The following PTPN12 variants were observed in gnomAD, a reference collection of about 807,000 sequenced individuals.
The protein encoded by PTPN12 is protein tyrosine phosphatase non-receptor type 12, also known as tyrosine-protein phosphatase non-receptor type 12.
PTPN12 carries 29 observed loss-of-function variants against 97.6 expected under a neutral mutation model. That is an observed-to-expected ratio of 0.30 (90% CI 0.22 to 0.41). The LOEUF (loss-of-function observed/expected upper bound fraction) is 0.41. Among genes scored for constraint, PTPN12 ranks in the 10% least tolerant of loss-of-function variants. The probability of loss-of-function intolerance (pLI) is 1.00; values close to 1 mark genes in which losing one functional copy is unlikely to be tolerated. For missense variants in PTPN12, 819 were observed against 926.0 expected, an observed-to-expected ratio of 0.88 and a Z score of 1.50; for synonymous variants, 327 against 300.4, an observed-to-expected ratio of 1.09 and a Z score of -0.91.
chr7:77,586,222 A>T (rs1232905411), intron 5 of PTPN12, among the ~76,000 whole-genome samples: 1 of 152,138 alleles, frequency 6.6e-6, no homozygotes, highest in Non-Finnish European at 1.5e-5. Flanking sequence ...CCAAAGTGCT[A>T]GGATTATAGA....
chr7:77,625,472 G>GTTCGCGCGCGCTCTCTCTCT, intron 12 of PTPN12, among the ~76,000 whole-genome samples: 1 of 33,522 alleles, frequency 3.0e-5, no homozygotes, highest in Non-Finnish European at 5.0e-5. Flanking sequence ...CAGGCTGCTC[G>GTTCGCGCGCGCTCTCTCTCT]CTCTCTCTCT....
chr7:77,602,700 T>C (rs953102695), intron 8 of PTPN12, among the ~76,000 whole-genome samples: 2 of 152,146 alleles, frequency 1.3e-5, no homozygotes, highest in African/African-American at 4.8e-5. Flanking sequence ...GGAATTTCAT[T>C]ATATAGGTAT....
At chr7:77,557,143 T>A (rs1807758809) in intron 1 of PTPN12, among the ~76,000 whole-genome samples, 1 of 152,104 alleles carries the variant, frequency 6.6e-6, no homozygotes, top group African/African-American at 2.4e-5. Context: ...TTTTTAAATT[T>A]TTTGTAGAGG....
intron 8 of PTPN12, among the ~76,000 whole-genome samples, chr7:77,601,487 G>C (rs935678159): frequency 3.9e-5 from 6 of 152,128 alleles, no homozygotes; most frequent in Non-Finnish European, 8.8e-5. Context: ...ACAGGCGTGA[G>C]CCACTACGCC....
chr7:77,586,657 A>G lies in PTPN12; in HGVS notation c.420+1076A>G, dbSNP rs533490123. Among the ~76,000 whole-genome samples the G allele has an allele frequency of 3.9e-4, 59 of 152,346 alleles. 3 individuals are homozygous for G. The South Asian group carries it at 0.012, about 32-fold the overall frequency. On this transcript the variant is annotated intron_variant, in intron 5 of 17. Transcript: ENST00000248594. The stretch of plus-strand genomic sequence containing the variant: ...CTTTCATGAAAGATTGCTCTGTAGC[A>G]TGCCATGCTGTTTGATAGCAACAGC...
intron 3 of PTPN12, among the ~76,000 whole-genome samples, chr7:77,582,739 G>A (rs991786686): frequency 2.0e-5 from 3 of 149,970 alleles, no homozygotes; most frequent in East Asian, 3.9e-4. Context: ...AGCCGAGATC[G>A]TGCCAATGCA....
At chr7:77,613,902 TTTTG>T (rs944697307) in intron 11 of PTPN12, among the ~76,000 whole-genome samples, 3 of 152,110 alleles carry the variant, frequency 2.0e-5, no homozygotes, top group African/African-American at 7.2e-5. Context: ...TTTTGTTTTG[TTTTG>T]TTTGAGACGA....
chr7:77,610,418 T>C (rs17381884), intron 9 of PTPN12, among the ~76,000 whole-genome samples: 21,132 of 152,310 alleles, frequency 0.14, 2,020 homozygotes, highest in Non-Finnish European at 0.21. Context: ...ACATTGAATC[T>C]GCTGTGCTTA....
rs1562719481 is a variant in PTPN12, at chr7:77,571,201, C to T, written c.208+15C>T. ...CATACTGCCATGTAAGTTGGAAATG[C>T]CCTTGATAAAATACATAGAAATGCT... On this transcript the variant is annotated intron_variant, in intron 2 of 17. Coordinates refer to ENST00000248594, the MANE Select transcript of PTPN12 (RefSeq NM_002835.4). 1 of 1,484,444 alleles carries T rather than the reference C, an allele frequency of 6.7e-7. No homozygotes were observed. The highest frequency in any genetic ancestry group is 9.3e-7 in the Non-Finnish European group (1 of 1,079,382). 92.0% of individuals were successfully genotyped at this position (1,484,444 alleles called of 1,614,324 possible).
chr7:77,632,737 A>G (rs1156993821), intron 14 of PTPN12, among the ~76,000 whole-genome samples: 1 of 152,126 alleles, frequency 6.6e-6, no homozygotes, highest in East Asian at 1.9e-4. Context: ...CAGGTGGATC[A>G]CCTGAGGTCA....
At chr7:77,555,364 A>G (rs1454372123) in intron 1 of PTPN12, among the ~76,000 whole-genome samples, 11 of 151,710 alleles carry the variant, frequency 7.3e-5, no homozygotes, top group Admixed American at 6.6e-4. Context: ...TATTTCAAAT[A>G]TTTCTTCTGT....
Position 77,563,095 on chromosome 7 carries a change from T to C in PTPN12, c.100-7983T>C, listed in dbSNP as rs543159986. ...AAAACATTCTCAAAATCAAGGACTA[T>C]TACTACATGCATTCAGGGAAGATTA... On this transcript the variant is annotated intron_variant, in intron 1 of 17. Coordinates refer to ENST00000248594, the MANE Select transcript of PTPN12 (RefSeq NM_002835.4). Among the ~76,000 whole-genome samples the C allele has an allele frequency of 3.5e-4, 54 of 152,328 alleles. No homozygotes were observed. In the South Asian group the frequency reaches 4.6e-3, roughly 13 times the overall value.
At chr7:77,554,860 T>C (rs1207934458) in intron 1 of PTPN12, among the ~76,000 whole-genome samples, 4 of 152,170 alleles carry the variant, frequency 2.6e-5, no homozygotes, top group South Asian at 2.1e-4. Context: ...TTTTTTTGTT[T>C]CTGTTTTTGT....
chr7:77,560,346 T>G (rs1195771314), intron 1 of PTPN12, among the ~76,000 whole-genome samples: 1 of 152,228 alleles, frequency 6.6e-6, no homozygotes, highest in Non-Finnish European at 1.5e-5. Context: ...AAACAACTAC[T>G]AAGGGTTTCT....
intron 1 of PTPN12, among the ~76,000 whole-genome samples, chr7:77,548,813 C>T (rs1807342765): frequency 6.6e-6 from 1 of 152,156 alleles, no homozygotes; most frequent in Admixed American, 6.5e-5. Context: ...GCATCAGAAC[C>T]AAGAAATAGA....
At chr7:77,622,097 G>C (rs1026499238) in intron 12 of PTPN12, among the ~76,000 whole-genome samples, 2 of 152,130 alleles carry the variant, frequency 1.3e-5, no homozygotes, top group African/African-American at 4.8e-5. Flanking sequence ...TGGAACTATA[G>C]ACACACACCA....
At chr7:77,591,882 T>C (rs990543372) in intron 5 of PTPN12, among the ~76,000 whole-genome samples, 1 of 152,232 alleles carries the variant, frequency 6.6e-6, no homozygotes, top group Non-Finnish European at 1.5e-5. Context: ...AGACACTTTT[T>C]TAAAATTAGT....
At chr7:77,630,674 G>T (rs1789368308) in intron 13 of PTPN12, among the ~76,000 whole-genome samples, 1 of 152,086 alleles carries the variant, frequency 6.6e-6, no homozygotes, top group South Asian at 2.1e-4. Flanking sequence ...GAATACTTTT[G>T]TATTGATACC....
At chr7:77,621,406 C>T (rs906657522) in intron 12 of PTPN12, among the ~76,000 whole-genome samples, 2 of 152,088 alleles carry the variant, frequency 1.3e-5, no homozygotes, top group African/African-American at 4.8e-5. Flanking sequence ...CGTGGCCAGG[C>T]GCCTGTAATC....
Sources: gnomAD v4.1 joint callset for allele counts (sites outside exome capture counted in the v4.1 genomes callset) on GRCh38, gnomAD v4.1.1 for gene constraint, MANE v1.5 for transcripts, NCBI Gene and HGNC (gene_info 2026-07-23, HGNC 2026-07-21) for gene names.